The following CELF2 variants were observed in gnomAD, a reference collection of about 807,000 sequenced individuals.
CELF2 encodes CUG triplet repeat RNA-binding protein 2.
In CELF2, 8 loss-of-function variants were observed where a neutral mutation model predicts 62.6. The ratio of observed to expected loss-of-function variants is 0.13; its 90% confidence interval spans 0.07 to 0.23. CELF2 has a LOEUF of 0.23. Among genes scored for constraint, CELF2 ranks in the 10% least tolerant of loss-of-function variants. The pLI is 1.00. For synonymous variants in CELF2, 258 were observed against 250.0 expected (o/e 1.03, Z -0.30); for missense variants, 333 against 671.0 (o/e 0.50, Z 5.56).
At chr10:11,200,609 C>G (rs1215943666) in intron 2 of CELF2, among the ~76,000 whole-genome samples, 1 of 152,234 alleles carries the variant, frequency 6.6e-6, no homozygotes, top group African/African-American at 2.4e-5. Flanking sequence ...CAGGGTCTCC[C>G]TCTTTTCCTT....
At chr10:10,474,806 T>C in the CELF2 span, among the ~76,000 whole-genome samples, 4 of 152,092 alleles carry the variant, frequency 2.6e-5, no homozygotes, top group Non-Finnish European at 4.4e-5. Context: ...GTACTCTCTC[T>C]ACATGTGGCA....
the CELF2 span, among the ~76,000 whole-genome samples, chr10:10,465,758 A>G: frequency 6.6e-6 from 1 of 152,116 alleles, no homozygotes; most frequent in African/African-American, 2.4e-5. Context: ...AAGATGGGTA[A>G]CTTGTAAGGA....
chr10:11,049,018 A>G (rs944928296), intron 1 of CELF2, among the ~76,000 whole-genome samples: 4 of 152,104 alleles, frequency 2.6e-5, no homozygotes, highest in African/African-American at 9.7e-5. Flanking sequence ...TATGTACAGA[A>G]TTGAGTGGGA....
chr10:11,082,868 A>G (rs1291801), intron 1 of CELF2, among the ~76,000 whole-genome samples: 102,013 of 152,218 alleles, frequency 0.67, 35,680 homozygotes, highest in African/African-American at 0.87. Context: ...AATGGTCAGA[A>G]TTTGTTGTCC....
At chr10:10,736,357 A>ATTGT in the CELF2 span, among the ~76,000 whole-genome samples, 1 of 109,672 alleles carries the variant, frequency 9.1e-6, no homozygotes, top group Admixed American at 9.7e-5. Flanking sequence ...ACTGATTTCT[A>ATTGT]TTCTTTCTTT....
chr10:10,525,461 T>C, the CELF2 span, among the ~76,000 whole-genome samples: 1 of 152,114 alleles, frequency 6.6e-6, no homozygotes, highest in Admixed American at 6.6e-5. Flanking sequence ...AGCCAAAAGA[T>C]TGAACATCCC....
the CELF2 span, among the ~76,000 whole-genome samples, chr10:10,610,383 A>G: frequency 6.6e-6 from 1 of 152,262 alleles, no homozygotes; most frequent in Non-Finnish European, 1.5e-5. Context: ...AAAAAACAAA[A>G]TTTTTCATTC....
At chr10:10,514,810 G>A in the CELF2 span, among the ~76,000 whole-genome samples, 1 of 152,092 alleles carries the variant, frequency 6.6e-6, no homozygotes, top group Non-Finnish European at 1.5e-5. Flanking sequence ...TAATCCATGG[G>A]TTAAACAGAG....
intron 1 of CELF2, among the ~76,000 whole-genome samples, chr10:10,915,477 C>T (rs1404125458): frequency 1.3e-5 from 2 of 152,194 alleles, no homozygotes; most frequent in Admixed American, 6.5e-5. Flanking sequence ...AGGATCACAG[C>T]TCACTGCATC....
the CELF2 span, among the ~76,000 whole-genome samples, chr10:10,519,820 G>T: frequency 8.5e-5 from 13 of 152,332 alleles, no homozygotes; most frequent in South Asian, 2.7e-3. Context: ...GATGGGGAAG[G>T]GTTAAGGCTG....
chr10:11,135,716 T>G (rs2060325653), intron 1 of CELF2, among the ~76,000 whole-genome samples: 1 of 152,242 alleles, frequency 6.6e-6, no homozygotes, highest in Non-Finnish European at 1.5e-5. Context: ...CCATCATTAC[T>G]GCTCCCCCAC....
At chr10:11,120,851 G>A (rs1682540086) in intron 1 of CELF2, among the ~76,000 whole-genome samples, 1 of 152,192 alleles carries the variant, frequency 6.6e-6, no homozygotes, top group South Asian at 2.1e-4. Flanking sequence ...TTAGCGCTGA[G>A]GCTCTTACAA....
chr10:11,183,304 C>T (rs1420390152), intron 2 of CELF2, among the ~76,000 whole-genome samples: 1 of 152,186 alleles, frequency 6.6e-6, no homozygotes, highest in African/African-American at 2.4e-5. Context: ...TGCTGAGTAA[C>T]GTTTCATAGA....
intron 2 of CELF2, among the ~76,000 whole-genome samples, chr10:11,000,041 G>T (rs1480217972): frequency 1.3e-5 from 2 of 152,156 alleles, no homozygotes; most frequent in Non-Finnish European, 2.9e-5. Context: ...GCCTTCTTAA[G>T]ATTTCCCACC....
intron 1 of CELF2, among the ~76,000 whole-genome samples, chr10:10,807,831 A>C (rs1456303879): frequency 6.6e-6 from 1 of 152,186 alleles, no homozygotes; most frequent in East Asian, 1.9e-4. Context: ...CAATTTTATG[A>C]AGCTGTCAGC....
intron 1 of CELF2, among the ~76,000 whole-genome samples, chr10:10,878,705 G>T (rs2061263784): frequency 6.6e-6 from 1 of 152,156 alleles, no homozygotes; most frequent in Non-Finnish European, 1.5e-5. Context: ...GCTACTTGTG[G>T]AGGAAAGAGT....
rs1457998502 is a variant in CELF2 at position 11,244,585 on chromosome 10, G to A, written c.355-4568G>A. On this transcript the variant is annotated intron_variant, in intron 3 of 12. Coordinates refer to ENST00000633077, the MANE Select transcript of CELF2 (RefSeq NM_001326342.2). The surrounding 1 kb of genome is among the most constrained non-coding windows in gnomAD (Gnocchi z 4.2). ...CAGGAGAATGGCATGAACCCGGGAG[G>A]CAGAGCTTTCAGTGAGCCGAGATCA... Among the ~76,000 whole-genome samples the A allele has an allele frequency of 6.6e-6, 1 of 151,254 alleles. No individual in the cohort carries two copies. The highest frequency in any genetic ancestry group is 2.4e-5 in the African/African-American group (1 of 41,112).
chr10:10,896,364 G>T (rs984206675), intron 1 of CELF2, among the ~76,000 whole-genome samples: 6 of 152,092 alleles, frequency 3.9e-5, no homozygotes, highest in African/African-American at 1.4e-4. Context: ...ATATAAACAG[G>T]TTAAAAAGGA....
chr10:10,545,823 G>T, the CELF2 span, among the ~76,000 whole-genome samples: 2 of 152,202 alleles, frequency 1.3e-5, no homozygotes, highest in East Asian at 3.9e-4. Flanking sequence ...GAAATATTTT[G>T]CAGTGAACTG....
Sources: gnomAD v4.1 joint callset for allele counts (sites outside exome capture counted in the v4.1 genomes callset) on GRCh38, gnomAD v4.1.1 for gene constraint, Gnocchi (gnomAD v3.1) non-coding constraint, MANE v1.5 for transcripts, NCBI Gene and HGNC (gene_info 2026-07-23, HGNC 2026-07-21) for gene names.